Variants in PLPP5 observed in about 807,000 individuals in gnomAD.
PLPP5 encodes diacylglycerol pyrophosphate like 1.
PLPP5 carries 29 observed loss-of-function variants against 23.6 expected under a neutral mutation model. The observed-to-expected ratio is 1.23, with a 90% CI of 0.92 to 1.68. The LOEUF is 1.68. PLPP5 is among the 40% of genes most tolerant of loss of function. The pLI is 0.00. For synonymous variants in PLPP5, 143 were observed against 131.3 expected (o/e 1.09, Z -0.61); for missense variants, 315 against 332.1 (o/e 0.95, Z 0.40).
intron 5 of PLPP5, among the ~76,000 whole-genome samples, chr8:38,266,726 G>A (rs1457551524): frequency 6.6e-6 from 1 of 152,008 alleles, no homozygotes; most frequent in African/African-American, 2.4e-5. Context: ...CCTTTTTTGT[G>A]TATACTTATA....
At position 38,267,389 on chromosome 8, in the gene PLPP5, G is replaced by C. The variant is rs762836521; in HGVS notation, c.341C>G (p.Pro114Arg). ...TNTIKLIVGR[P>R]RPDFFYRCFP... ...GCAGCGGTAGAAGAAATCTGGGCGT[G>C]GCCTGGAAGAAAGCAGCATGGTTGG... The change falls in exon 5 of 7, where the codon CCA (proline) becomes CGA (arginine). Residue 114 changes from proline to arginine, a missense_variant and splice_region_variant. Physicochemically the swap from Pro to Arg is moderately radical, Grantham distance 103 (BLOSUM62 -2). Transcript: ENST00000424479. The C allele has an allele frequency of 6.2e-7, 1 of 1,612,808 alleles. No individual in the cohort carries two copies. The highest frequency in any genetic ancestry group is 8.5e-7 in the Non-Finnish European group (1 of 1,179,276).
In PLPP5 at chr8:38,263,520, A is replaced by G; in HGVS notation, c.*924T>C. The G allele has an allele frequency of 2.0e-6, 2 of 985,376 alleles. No individual in the cohort carries two copies. Among genetic ancestry groups the G allele is most frequent in the Non-Finnish European group, 2.4e-6 (2 of 829,904 alleles). 61.0% of individuals were successfully genotyped at this position (985,376 alleles called of 1,614,324 possible). ...CACACTCCTGACCATTTTCTTCTTT[A>G]TTATTGTTTTCACTTAGTAATTCAA... On this transcript the variant is annotated 3_prime_UTR_variant, in exon 7 of 7. Coordinates refer to ENST00000424479, the MANE Select transcript of PLPP5 (RefSeq NM_001102559.2).
rs1808190290 is a variant in PLPP5 at position 38,268,867 on chromosome 8, T to C, written c.183+15A>G. On this transcript the variant is annotated intron_variant, in intron 2 of 6. Transcript: ENST00000424479. ...GGTCATGGGGAGGGAGGAAAGACGA[T>C]CTTTCTCCACGCACAAACATCGGCT... The C allele has an allele frequency of 6.5e-7, 1 of 1,543,158 alleles. No homozygotes were observed. The highest frequency in any genetic ancestry group is 8.7e-7 in the Non-Finnish European group (1 of 1,149,184).
At chr8:38,267,004 C>T (rs752014907) in intron 5 of PLPP5, 204 of 1,345,858 alleles carry the variant, frequency 1.5e-4, no homozygotes, top group Non-Finnish European at 1.9e-4. Context: ...ATTTTTATTG[C>T]TAGTACAAGA....
At chr8:38,268,484 A>G in intron 2 of PLPP5, 23 bp from the exon 3 acceptor site, 1 of 1,554,856 alleles carries the variant, frequency 6.4e-7, no homozygotes, top group Non-Finnish European at 8.7e-7. Context: ...GTCAGAGGTT[A>G]AAAACAATCC....
At chr8:38,265,964 ACT>A (rs1371785344) in intron 6 of PLPP5, among the ~76,000 whole-genome samples, 175 bp downstream of exon 6, 2 of 152,008 alleles carry the variant, frequency 1.3e-5, no homozygotes, top group Non-Finnish European at 1.5e-5. Context: ...TCTTTGGTAA[ACT>A]CTTTTTGTCT....
At position 38,264,525 on chromosome 8, in the gene PLPP5, T is replaced by C. The variant is rs1212502778; in HGVS notation, c.714A>G (p.Ala238=). 1 of 1,565,748 alleles carries C rather than the reference T, an allele frequency of 6.4e-7. No individual in the cohort carries two copies. Residue 238 remains alanine, a synonymous_variant, in exon 7 of 7, where the codon GCA becomes GCG. Transcript: ENST00000424479. ...TGTCTTGAAATGGTTTATGGCATTC[T>C]GCATCAGTCAGAGGAGGATAATACT... The part of the protein sequence containing the change: ...YRQYYPPLTD[A]ECHKPFQDKL...
chr8:38,268,419 T>A lies in PLPP5; in HGVS notation c.226A>T (p.Lys76Ter). 1 of 1,578,190 alleles carries A rather than the reference T, an allele frequency of 6.3e-7. No individual in the cohort carries two copies. The highest frequency in any genetic ancestry group is 8.6e-7 in the Non-Finnish European group (1 of 1,161,812). Reference sequence around the variant, plus strand: ...CTTGTGTCTGCCTTCTTGAGAAATTTGGCCAGGAAGATCAGAGACAGTGGA... The same window carrying A: ...CTTGTGTCTGCCTTCTTGAGAAATTAGGCCAGGAAGATCAGAGACAGTGGA... ...LSPLSLIFLA[K>*]FLKKADTRDS... Residue 76 changes from lysine to a stop codon, truncating the protein, a stop_gained, in exon 3 of 7, where the codon AAA (lysine) becomes TAA (stop). Coordinates refer to ENST00000424479, the MANE Select transcript of PLPP5 (RefSeq NM_001102559.2). LOFTEE classifies it high-confidence loss of function.
chr8:38,268,375 G>T lies in PLPP5; in HGVS notation c.270C>A (p.Cys90Ter). The stretch of plus-strand genomic sequence containing the variant: ...CCCGAAAGGGCTAGCGCTCACCCAG[G>T]CAGGCTTGTCTGCTGTCTCTTGTGT... ...KADTRDSRQA[C>*]LAASLALALN... is the part of the protein sequence containing the mutation. The change falls in exon 3 of 7, where the codon TGC (cysteine) becomes TGA (stop). Residue 90 changes from cysteine (C) to a stop codon, truncating the protein, a stop_gained. Coordinates refer to ENST00000424479, the MANE Select transcript of PLPP5 (RefSeq NM_001102559.2). LOFTEE classifies it high-confidence loss of function. The T allele has an allele frequency of 6.4e-7, 1 of 1,566,330 alleles. No homozygotes were observed. Among genetic ancestry groups the T allele is most frequent in the East Asian group, 2.4e-5 (1 of 42,366 alleles).
intron 5 of PLPP5, 36 bp downstream of exon 5, chr8:38,267,231 A>G (rs763042616): frequency 2.1e-5 from 34 of 1,613,830 alleles, no homozygotes; most frequent in Non-Finnish European, 2.6e-5. Context: ...ATGATGTGAA[A>G]ACAAGCATAG....
Position 38,269,015 on chromosome 8 carries a change from A to T in PLPP5, c.75-25T>A, listed in dbSNP as rs1022212312. ...CCTAGAGGGGAACAAAGAAGCGCAG[A>T]GCAGGTCGCCTGGCTTCCTCCCCGC... On this transcript the variant is annotated intron_variant, in intron 1 of 6. Transcript: ENST00000424479. 4 of 1,557,038 alleles carry T rather than the reference A, an allele frequency of 2.6e-6. No individual in the cohort carries two copies. In the Admixed American group the frequency reaches 6.0e-5, roughly 23 times the overall value.
At chr8:38,266,815 G>A (rs1429330608) in intron 5 of PLPP5, among the ~76,000 whole-genome samples, 2 of 152,144 alleles carry the variant, frequency 1.3e-5, no homozygotes, top group Non-Finnish European at 2.9e-5. Flanking sequence ...TTTTATCTGA[G>A]TATAGTTTTC....
At chr8:38,268,317 C>G (rs928032387) in intron 3 of PLPP5, 54 bp downstream of exon 3, 2 of 1,467,552 alleles carry the variant, frequency 1.4e-6, no homozygotes, top group Admixed American at 2.0e-5. Context: ...AATCCCACAA[C>G]GACCTCCTAG....
rs1361913282 is a variant in PLPP5 at position 38,263,651 on chromosome 8, C to T, written c.*793G>A. On this transcript the variant is annotated 3_prime_UTR_variant, in exon 7 of 7. Coordinates refer to ENST00000424479, the MANE Select transcript of PLPP5 (RefSeq NM_001102559.2). ...TAAATTACCCTAGATTCGACATTTT[C>T]CTATTTAAGGCTTGATGGAATTGTC... is the stretch of plus-strand genomic sequence containing the variant. 20 of 985,226 alleles carry T rather than the reference C, an allele frequency of 2.0e-5. No individual in the cohort carries two copies. The highest frequency in any genetic ancestry group is 6.2e-5 in the Admixed American group (1 of 16,254). The allele number at this position is 985,226 out of a possible 1,614,324, so 61.0% of individuals were successfully genotyped here. A position where few individuals can be genotyped will look rare whatever the true frequency, so the allele number is the denominator to read the frequency against.
intron 6 of PLPP5, 113 bp from the exon 7 acceptor site, chr8:38,264,717 A>T: frequency 7.0e-7 from 1 of 1,436,880 alleles, no homozygotes; most frequent in East Asian, 2.5e-5. Context: ...GGGCTAAAAT[A>T]ACCTCAATTC....
At chr8:38,264,887 CAG>C in intron 6 of PLPP5, 1 of 1,612,464 alleles carries the variant, frequency 6.2e-7, no homozygotes, top group South Asian at 1.1e-5. Context: ...TTTTCTAACT[CAG>C]AAGAGTAACA....
chr8:38,267,376 G>A lies in PLPP5; in HGVS notation c.354C>T (p.Phe118=). The change falls in exon 5 of 7, where the codon TTC becomes TTT. Residue 118 remains phenylalanine (F), a synonymous_variant. Transcript: ENST00000424479. ...GCCCATCAGGGAAGCAGCGGTAGAA[G>A]AAATCTGGGCGTGGCCTGGAAGAAA... ...KLIVGRPRPD[F]FYRCFPDGLA... is the part of the protein sequence containing the mutation. 6.2e-7 allele frequency: 1 copy of A among 1,613,674 alleles called. No individual in the cohort carries two copies. Among genetic ancestry groups the A allele is most frequent in the Middle Eastern group, 1.6e-4 (1 of 6,062 alleles).
Position 38,264,510 on chromosome 8 carries a change from T to TG in PLPP5, c.728dup (p.Phe244IlefsTer20). The TG allele has an allele frequency of 6.4e-7, 1 of 1,558,642 alleles. No homozygotes were observed. The highest frequency in any genetic ancestry group is 8.7e-7 in the Non-Finnish European group (1 of 1,150,320). ...TGGAAAGTACAAGTTTGTCTTGAAA[T>TG]GGTTTATGGCATTCTGCATCAGTCA... is the stretch of plus-strand genomic sequence containing the variant. On this transcript the variant is annotated frameshift_variant, in exon 7 of 7. Coordinates refer to ENST00000424479, the MANE Select transcript of PLPP5 (RefSeq NM_001102559.2). LOFTEE classifies it low-confidence loss of function (END_TRUNC).
chr8:38,268,841 G>C (rs1149), intron 2 of PLPP5, 41 bp downstream of exon 2: 347,204 of 1,492,878 alleles, frequency 0.23, 41,625 homozygotes, highest in East Asian at 0.31. Flanking sequence ...GCGGGAAGCC[G>C]GGTCATGGGG....
Sources: gnomAD v4.1 joint callset for allele counts (sites outside exome capture counted in the v4.1 genomes callset) on GRCh38, gnomAD v4.1.1 for gene constraint, MANE v1.5 for transcripts, NCBI Gene and HGNC (gene_info 2026-07-23, HGNC 2026-07-21) for gene names.